DSG4: variants seen among roughly 807,000 people sequenced by gnomAD.
The protein encoded by DSG4 is desmoglein-4.
DSG4 carries 87 observed loss-of-function variants against 93.1 expected under a neutral mutation model. That is an observed-to-expected ratio of 0.93 (90% CI 0.79 to 1.12). The LOEUF (loss-of-function observed/expected upper bound fraction) is 1.12, where lower values mean the gene tolerates loss of function less well. DSG4 is among the 50% of genes most tolerant of loss of function. DSG4 has a pLI of 0.00. For synonymous variants in DSG4, 432 were observed against 452.9 expected (o/e 0.95, Z 0.59); for missense variants, 1,373 against 1,285.7 (o/e 1.07, Z -1.04).
In DSG4 at chr18:31,378,797, T is replaced by C. The variant is rs148646094; in HGVS notation, c.48+1838T>C. On this transcript the variant is annotated intron_variant, in intron 1 of 15. Coordinates refer to ENST00000308128, the MANE Select transcript of DSG4 (RefSeq NM_177986.5). The stretch of plus-strand genomic sequence containing the variant: ...TGGCATATTTCAAAATTGAAACAAA[T>C]ACAAGAATTGTTTAAGGAGAATCAA... 2.3e-4 allele frequency among the ~76,000 whole-genome samples: 35 copies of C among 152,294 alleles called. 1 individual carries two copies. In the South Asian group the frequency reaches 5.6e-3, roughly 24 times the overall value.
At chr18:31,381,888 C>T (rs1451552140) in intron 1 of DSG4, among the ~76,000 whole-genome samples, 1 of 149,238 alleles carries the variant, frequency 6.7e-6, no homozygotes, top group Non-Finnish European at 1.5e-5. Flanking sequence ...CTAGGCTGGT[C>T]TCAAACTCCT....
intron 10 of DSG4, among the ~76,000 whole-genome samples, chr18:31,402,881 C>T (rs2072383715): frequency 6.6e-6 from 1 of 152,088 alleles, no homozygotes; most frequent in African/African-American, 2.4e-5. Flanking sequence ...TTCAGAAATG[C>T]CATTTCAGAA....
chr18:31,411,645 T>C (rs2072494955), intron 15 of DSG4, among the ~76,000 whole-genome samples, 197 bp downstream of exon 15: 1 of 152,136 alleles, frequency 6.6e-6, no homozygotes, highest in African/African-American at 2.4e-5. Flanking sequence ...TCAACTGCCA[T>C]AGCGCATCTT....
At chr18:31,401,461 T>A (rs2072365461) in intron 10 of DSG4, 1 of 153,896 alleles carries the variant, frequency 6.5e-6, no homozygotes, top group Non-Finnish European at 1.4e-5. Flanking sequence ...AGTGAGAAGC[T>A]TGTGTGAGTG....
intron 8 of DSG4, 51 bp downstream of exon 8, chr18:31,392,391 G>T (rs2144181915): frequency 1.3e-6 from 2 of 1,588,250 alleles, no homozygotes; most frequent in African/African-American, 1.3e-5. Context: ...TTATTCCAAA[G>T]AAGTTTTAAA....
intron 12 of DSG4, 42 bp from the exon 13 acceptor site, chr18:31,409,410 G>T: frequency 6.2e-7 from 1 of 1,613,222 alleles, no homozygotes; most frequent in South Asian, 1.1e-5. Context: ...TTCCTAAACC[G>T]AGCAATGTGT....
At chr18:31,402,930 G>A (rs1598747976) in intron 10 of DSG4, among the ~76,000 whole-genome samples, 7 of 152,222 alleles carry the variant, frequency 4.6e-5, no homozygotes, top group Admixed American at 4.6e-4. Flanking sequence ...AATAAACAGT[G>A]AGCACACAAG....
intron 1 of DSG4, among the ~76,000 whole-genome samples, chr18:31,379,590 A>G (rs2072113108): frequency 6.6e-6 from 1 of 152,210 alleles, no homozygotes; most frequent in South Asian, 2.1e-4. Context: ...ATGTGTGATG[A>G]CCATTCATGC....
Position 31,401,098 on chromosome 18 carries a change from T to C in DSG4, c.1417+78T>C. ...TATTATGTTATTCTAATGCTGATAT[T>C]TGAGTGACTCAGACATTTTTAATGG... On this transcript the variant is annotated intron_variant, in intron 10 of 15. Transcript: ENST00000308128. The C allele has an allele frequency of 3.9e-6, 5 of 1,266,694 alleles. No homozygotes were observed. In the South Asian group the frequency reaches 7.7e-5, roughly 19 times the overall value. 78.5% of individuals were successfully genotyped at this position (1,266,694 alleles called of 1,614,324 possible). A position where few individuals can be genotyped will look rare whatever the true frequency, so the allele number is the denominator to read the frequency against.
At chr18:31,381,777 A>G (rs1232366910) in intron 1 of DSG4, among the ~76,000 whole-genome samples, 1 of 151,682 alleles carries the variant, frequency 6.6e-6, no homozygotes, top group African/African-American at 2.4e-5. Flanking sequence ...CTCCTGCCTC[A>G]GCCTCACTGG....
rs1441113125 is a variant in DSG4 at position 31,413,324 on chromosome 18, G to A, written c.2852G>A (p.Cys951Tyr). 2 of 1,614,030 alleles carry A rather than the reference G, an allele frequency of 1.2e-6. No homozygotes were observed. The highest frequency in any genetic ancestry group is 3.3e-5 in the Admixed American group (2 of 59,996). The change falls in exon 16 of 16, where the codon TGT (cysteine) becomes TAT (tyrosine). Residue 951 changes from cysteine (C) to tyrosine (Y), a missense_variant. Transcript: ENST00000308128. ...APVYDIQGNICVPAELADYNN... is the reference protein window; with the variant it reads ...APVYDIQGNIYVPAELADYNN... ...GTCTATGATATTCAAGGGAATATTTGTGTACCTGCTGAGTTAGCAGATTAC... is the reference window on the plus strand; with the variant it reads ...GTCTATGATATTCAAGGGAATATTTATGTACCTGCTGAGTTAGCAGATTAC...
At chr18:31,398,047 A>C (rs913445857) in intron 8 of DSG4, among the ~76,000 whole-genome samples, 3 of 151,652 alleles carry the variant, frequency 2.0e-5, no homozygotes, top group Non-Finnish European at 2.9e-5. Context: ...AAAAAAAAAA[A>C]AACTTGAGGT....
chr18:31,403,275 A>G (rs747390121), intron 10 of DSG4, 141 bp from the exon 11 acceptor site: 9 of 718,386 alleles, frequency 1.3e-5, no homozygotes, highest in Non-Finnish European at 1.7e-5. Flanking sequence ...ACTTTGGGTC[A>G]CTGAAGCGGG....
chr18:31,389,025 A>G lies in DSG4; in HGVS notation c.517+7A>G, dbSNP rs1268612950. ...GAAGAAAATAGTGATGCCAGTAAGT[A>G]GAATGACATTCCTTCTCTACGTCAC... On this transcript the variant is annotated splice_region_variant and intron_variant, in intron 5 of 15. Coordinates refer to ENST00000308128, the MANE Select transcript of DSG4 (RefSeq NM_177986.5). 6.2e-7 allele frequency: 1 copy of G among 1,612,868 alleles called. No individual in the cohort carries two copies. Among genetic ancestry groups the G allele is most frequent in the Admixed American group, 1.7e-5 (1 of 59,968 alleles).
At position 31,376,907 on chromosome 18, in the gene DSG4, A is replaced by C; in HGVS notation, c.-5A>C. 1.2e-6 allele frequency: 2 copies of C among 1,613,650 alleles called. 1 individual carries two copies. On this transcript the variant is annotated 5_prime_UTR_variant, in exon 1 of 16. Transcript: ENST00000308128. ...AGGATTTGCGTGCAAGAGAAACCCA[A>C]AGGAATGGATTGGCTCTTCTTCAGA... is the stretch of plus-strand genomic sequence containing the variant.
Position 31,390,665 on chromosome 18 carries a change from T to C in DSG4, c.527T>C (p.Val176Ala). The C allele has an allele frequency of 3.7e-6, 6 of 1,613,476 alleles. No homozygotes were observed. The South Asian group carries it at 4.4e-5, about 12-fold the overall frequency. ...IEENSDANTLVVKLCATDADE... is the reference protein window; with the variant it reads ...IEENSDANTLAVKLCATDADE... ...CCATTTCTATTTCTAGATACATTGG[T>C]AGTAAAGTTATGTGCCACAGATGCA... The change falls in exon 6 of 16, where the codon GTA becomes GCA. Residue 176 changes from valine (V) to alanine (A), a missense_variant. Transcript: ENST00000308128.
chr18:31,389,330 A>G (rs2072224260), intron 5 of DSG4, among the ~76,000 whole-genome samples: 1 of 152,126 alleles, frequency 6.6e-6, no homozygotes, highest in Admixed American at 6.6e-5. Context: ...ATAAACCAGG[A>G]ATGTTTAAGA....
chr18:31,382,555 A>C (rs1568060404), intron 1 of DSG4: 1 of 152,202 alleles, frequency 6.6e-6, no homozygotes, highest in Non-Finnish European at 1.5e-5. Flanking sequence ...TAGGAGGCTG[A>C]TGTCATTCCA....
chr18:31,396,034 C>A (rs924680149), intron 8 of DSG4, among the ~76,000 whole-genome samples: 15 of 152,094 alleles, frequency 9.9e-5, no homozygotes, highest in African/African-American at 3.4e-4. Flanking sequence ...AGAGAAAGAT[C>A]TCAGAAAAAT....
Sources: allele counts gnomAD v4.1 joint callset (sites outside exome capture counted in the v4.1 genomes callset), GRCh38; gene constraint gnomAD v4.1.1; transcripts MANE v1.5; gene names NCBI Gene and HGNC (gene_info 2026-07-23, HGNC 2026-07-21).